ESRRG: variants seen among roughly 807,000 people sequenced by gnomAD.
ESRRG encodes the protein estrogen related receptor gamma, also known as estrogen-related receptor gamma.
ESRRG carries 13 observed loss-of-function variants against 44.0 expected under a neutral mutation model. The observed-to-expected ratio is 0.30, with a 90% confidence interval of 0.19 to 0.47. The LOEUF is 0.47. ESRRG is among the 20% of genes least tolerant of loss of function. ESRRG has a pLI of 1.00. For synonymous variants in ESRRG, 215 were observed against 214.6 expected, an observed-to-expected ratio of 1.00 and a Z score of -0.02; for missense variants, 395 against 580.6, an observed-to-expected ratio of 0.68 and a Z score of 3.29.
At chr1:216,605,787 TGA>T (rs2150223336) in intron 3 of ESRRG, among the ~76,000 whole-genome samples, 1 of 149,962 alleles carries the variant, frequency 6.7e-6, no homozygotes, top group African/African-American at 2.5e-5. Flanking sequence ...AATGAAACTA[TGA>T]AAGAGAAAAG....
At chr1:216,919,719 C>G (rs2061597087) in intron 2 of ESRRG, among the ~76,000 whole-genome samples, 1 of 152,144 alleles carries the variant, frequency 6.6e-6, no homozygotes, top group Non-Finnish European at 1.5e-5. Context: ...TATCATGTTT[C>G]CATACCACTA....
At chr1:216,619,941 C>T (rs2061959379) in intron 3 of ESRRG, among the ~76,000 whole-genome samples, 1 of 152,106 alleles carries the variant, frequency 6.6e-6, no homozygotes, top group Non-Finnish European at 1.5e-5. Flanking sequence ...AACACCGAGT[C>T]AAGAAGATTG....
chr1:216,648,867 T>C (rs2068241739), intron 3 of ESRRG, among the ~76,000 whole-genome samples: 1 of 152,150 alleles, frequency 6.6e-6, no homozygotes, highest in East Asian at 1.9e-4. Context: ...TCACTCTTAA[T>C]TCCCTTTGAA....
chr1:217,105,508 T>A (rs1225470758), intron 1 of ESRRG, among the ~76,000 whole-genome samples: 2 of 152,122 alleles, frequency 1.3e-5, no homozygotes, highest in Non-Finnish European at 2.9e-5. Context: ...GTCCGAGTGC[T>A]CAAACCTGGC....
intron 2 of ESRRG, among the ~76,000 whole-genome samples, chr1:216,931,804 A>G (rs1345867895): frequency 6.6e-6 from 1 of 150,822 alleles, no homozygotes; most frequent in African/African-American, 2.4e-5. Context: ...AGGAGAAGCC[A>G]ATCTAATCAA....
chr1:216,657,423 T>C (rs1443510374), intron 2 of ESRRG, among the ~76,000 whole-genome samples: 2 of 152,192 alleles, frequency 1.3e-5, no homozygotes, highest in Non-Finnish European at 2.9e-5. Context: ...CAGAGCCACT[T>C]TACAAGGTAT....
At chr1:216,959,688 A>AAAAT (rs550671535) in intron 1 of ESRRG, 75 of 152,162 alleles carry the variant, frequency 4.9e-4, no homozygotes, top group African/African-American at 1.6e-3. Context: ...CCCTGTCTCT[A>AAAAT]AAATAAATAA....
In ESRRG at chr1:216,607,203, A is replaced by C. The variant is rs12563187; in HGVS notation, c.590-39105T>G. On this transcript the variant is annotated intron_variant, in intron 3 of 6. Coordinates refer to ENST00000408911, the MANE Select transcript of ESRRG (RefSeq NM_001438.4). ...GAGGGTTAAAGACAGTTCCAGCTGA[A>C]TGCTGACCACAATCCCTACACCCCC... 8.5e-4 allele frequency among the ~76,000 whole-genome samples: 130 copies of C among 152,288 alleles called. 1 individual carries two copies. In the East Asian group the frequency reaches 0.017, roughly 20 times the overall value.
chr1:217,010,275 A>ATTTC (rs1346358903), intron 1 of ESRRG, among the ~76,000 whole-genome samples: 1 of 152,128 alleles, frequency 6.6e-6, no homozygotes, highest in African/African-American at 2.4e-5. Flanking sequence ...TCTTTGGCAA[A>ATTTC]AGAGAGCCAA....
At chr1:216,892,409 A>G (rs1228646126) in intron 2 of ESRRG, among the ~76,000 whole-genome samples, 1 of 152,224 alleles carries the variant, frequency 6.6e-6, no homozygotes, top group East Asian at 1.9e-4. Flanking sequence ...AAGAGCATTG[A>G]CTTCTGAAGG....
chr1:216,605,335 C>T (rs573908505), intron 3 of ESRRG, among the ~76,000 whole-genome samples: 100 of 151,840 alleles, frequency 6.6e-4, no homozygotes, highest in African/African-American at 2.3e-3. Context: ...TATGAGAAAA[C>T]TAGACATATG....
At position 216,932,463 on chromosome 1, in the gene ESRRG, T is replaced by C. The variant is rs41477950; in HGVS notation, c.-14+7119A>G. On this transcript the variant is annotated intron_variant, in intron 2 of 7. Coordinates refer to the ESRRG transcript ENST00000359162. Reference sequence around the variant, plus strand: ...TAAGATACTACTTCCCGATAATAAATTGACAAAAAGTAAGGTCTGTTAGAA... The same window carrying C: ...TAAGATACTACTTCCCGATAATAAACTGACAAAAAGTAAGGTCTGTTAGAA... Among the ~76,000 whole-genome samples the C allele has an allele frequency of 9.2e-3, 1,399 of 152,164 alleles. 22 individuals carry two copies. The highest frequency in any genetic ancestry group is 0.031 in the African/African-American group (1,294 of 41,494).
chr1:216,765,136 A>G (rs538143068), intron 2 of ESRRG, among the ~76,000 whole-genome samples: 4 of 152,170 alleles, frequency 2.6e-5, no homozygotes, highest in Non-Finnish European at 4.4e-5. Flanking sequence ...GAGCCCCATT[A>G]CCAATATTTG....
At chr1:216,553,671 A>G (rs1182050155) in intron 5 of ESRRG, among the ~76,000 whole-genome samples, 1 of 152,178 alleles carries the variant, frequency 6.6e-6, no homozygotes, top group African/African-American at 2.4e-5. Flanking sequence ...CCTTTCCAAA[A>G]TACAATGCAC....
intron 3 of ESRRG, among the ~76,000 whole-genome samples, chr1:216,627,723 T>A (rs1440116902): frequency 6.6e-6 from 1 of 152,226 alleles, no homozygotes; most frequent in Non-Finnish European, 1.5e-5. Context: ...GGCAAATGAT[T>A]ATTTTCTCTG....
intron 1 of ESRRG, among the ~76,000 whole-genome samples, chr1:216,958,614 A>T (rs1044517690): frequency 2.5e-4 from 38 of 152,258 alleles, no homozygotes; most frequent in African/African-American, 8.4e-4. Context: ...TTAAAAAGCG[A>T]TCTTTTAAAA....
At chr1:216,568,536 G>A (rs1265332594) in intron 3 of ESRRG, among the ~76,000 whole-genome samples, 6 of 152,190 alleles carry the variant, frequency 3.9e-5, no homozygotes, top group Non-Finnish European at 8.8e-5. Context: ...GAGGCCTCAG[G>A]ATGGACCTGT....
chr1:217,133,663 C>CTTTCTTTCTTTCTT (rs2093005215), intron 1 of ESRRG, among the ~76,000 whole-genome samples: 1 of 148,764 alleles, frequency 6.7e-6, no homozygotes, highest in Admixed American at 6.8e-5. Flanking sequence ...TTCTTTCTTT[C>CTTTCTTTCTTTCTT]TTTCTTTCTT....
chr1:217,003,682 G>A (rs900869666), intron 1 of ESRRG, among the ~76,000 whole-genome samples: 7 of 149,702 alleles, frequency 4.7e-5, no homozygotes, highest in Admixed American at 1.3e-4. Flanking sequence ...TTTGTTATTG[G>A]CCACTGAAAT....
Sources: gnomAD v4.1 joint callset for allele counts (sites outside exome capture counted in the v4.1 genomes callset) on GRCh38, gnomAD v4.1.1 for gene constraint, MANE v1.5 for transcripts, NCBI Gene and HGNC (gene_info 2026-07-23, HGNC 2026-07-21) for gene names.